CHST11: variants seen among roughly 807,000 people sequenced by gnomAD.
CHST11 encodes the protein C4S-1.
CHST11 carries 9 observed loss-of-function variants against 30.4 expected under a neutral mutation model. The observed-to-expected ratio is 0.30, with a 90% CI of 0.18 to 0.52. The LOEUF (loss-of-function observed/expected upper bound fraction) is 0.52, where lower values mean the gene tolerates loss of function less well. Among genes scored for constraint, CHST11 ranks in the 20% least tolerant of loss-of-function variants. The pLI, the probability that CHST11 is intolerant of heterozygous loss-of-function variation, is 0.97. For missense variants in CHST11, 348 were observed against 460.6 expected, an observed-to-expected ratio of 0.76 and a Z score of 2.24; for synonymous variants, 152 against 187.8, an observed-to-expected ratio of 0.81 and a Z score of 1.56.
chr12:104,745,771 T>C (rs1271389254), intron 2 of CHST11, among the ~76,000 whole-genome samples: 5 of 152,308 alleles, frequency 3.3e-5, no homozygotes, highest in Non-Finnish European at 7.4e-5. Flanking sequence ...GTGCTAGTGA[T>C]TTTTGTACAC....
At chr12:104,592,455 G>A (rs1439092815) in intron 1 of CHST11, among the ~76,000 whole-genome samples, 3 of 152,046 alleles carry the variant, frequency 2.0e-5, no homozygotes, top group Non-Finnish European at 4.4e-5. Context: ...GGGGTAAGTG[G>A]TCTTTTTTGG....
chr12:104,525,492 C>T (rs1293422729), intron 1 of CHST11, among the ~76,000 whole-genome samples: 7 of 152,144 alleles, frequency 4.6e-5, no homozygotes, highest in African/African-American at 1.7e-4. Context: ...TCTGACAAAC[C>T]TGGGTTTGGA....
rs545327712 is a variant in CHST11 at position 104,716,244 on chromosome 12, C to T, written c.205-40705C>T. On this transcript the variant is annotated intron_variant, in intron 2 of 2. Coordinates refer to ENST00000303694, the MANE Select transcript of CHST11 (RefSeq NM_018413.6). Reference sequence around the variant, plus strand: ...GAAACCTTAGAGGCCAGAGTCACACCGTCCTTCTTCTCTGGGATGGCCCCC... The same window carrying T: ...GAAACCTTAGAGGCCAGAGTCACACTGTCCTTCTTCTCTGGGATGGCCCCC... Among the ~76,000 whole-genome samples the T allele has an allele frequency of 1.4e-4, 22 of 152,242 alleles. No individual in the cohort carries two copies. The South Asian group carries it at 3.5e-3, about 24-fold the overall frequency.
Position 104,759,179 on chromosome 12 carries a change from C to T in CHST11, c.*1376C>T, listed in dbSNP as rs1198228707. On this transcript the variant is annotated 3_prime_UTR_variant, in exon 3 of 3. Transcript: ENST00000303694. ...GAGGTGGACTATTTGTACACATACA[C>T]ACATGCACACCCTCTCACGTCCTCC... 6.6e-6 allele frequency: 1 copy of T among 152,226 alleles called. No individual in the cohort carries two copies. Among genetic ancestry groups the T allele is most frequent in the East Asian group, 1.9e-4 (1 of 5,198 alleles). 9.4% of individuals were successfully genotyped at this position (152,226 alleles called of 1,614,324 possible).
At chr12:104,716,494 G>A (rs1288240100) in intron 2 of CHST11, among the ~76,000 whole-genome samples, 1 of 152,270 alleles carries the variant, frequency 6.6e-6, no homozygotes, top group Non-Finnish European at 1.5e-5. Context: ...CACGTAGTAA[G>A]TACAGAAGAG....
chr12:104,756,530 G>GT, intron 2 of CHST11, among the ~76,000 whole-genome samples: 1 of 45,120 alleles, frequency 2.2e-5, no homozygotes, highest in South Asian at 5.1e-4. Flanking sequence ...GGATCCATGT[G>GT]GGGTGTGTGT....
rs67453124 is a variant in CHST11 at position 104,475,658 on chromosome 12, TTATATATA to T, written c.118+18155_118+18162del. Among the ~76,000 whole-genome samples the T allele has an allele frequency of 9.1e-4, 31 of 34,164 alleles. 1 individual carries two copies. Among genetic ancestry groups the T allele is most frequent in the South Asian group, 2.5e-3 (2 of 810 alleles). The allele number at this position is 34,164 out of a possible 152,430, so 22.4% of individuals were successfully genotyped here. A position where few individuals can be genotyped will look rare whatever the true frequency, so the allele number is the denominator to read the frequency against. Reference sequence around the variant, plus strand: ...TATGATGCCTCAGAGTAAAGCAGCATTATATATATATATATATATATATATATATATAT... The same window carrying T: ...TATGATGCCTCAGAGTAAAGCAGCATTATATATATATATATATATATATAT... On this transcript the variant is annotated intron_variant, in intron 1 of 2. Transcript: ENST00000303694.
intron 1 of CHST11, among the ~76,000 whole-genome samples, chr12:104,576,635 T>C (rs1417273904): frequency 6.6e-6 from 1 of 152,212 alleles, no homozygotes; most frequent in African/African-American, 2.4e-5. Context: ...CTGCAGTCTC[T>C]GGTCATTTCC....
chr12:104,741,123 G>T lies in CHST11; in HGVS notation c.205-15826G>T, dbSNP rs186755883. Reference sequence around the variant, plus strand: ...GGCCTTATCCCAGCTGCCCTGGAGGGAGGGCATGAGTTGAGCTCACATTGT... The same window carrying T: ...GGCCTTATCCCAGCTGCCCTGGAGGTAGGGCATGAGTTGAGCTCACATTGT... On this transcript the variant is annotated intron_variant, in intron 2 of 2. Transcript: ENST00000303694. Among the ~76,000 whole-genome samples, 248 of 152,374 alleles carry T rather than the reference G, an allele frequency of 1.6e-3. 1 individual carries two copies. The highest frequency in any genetic ancestry group is 5.6e-3 in the African/African-American group (232 of 41,594).
At chr12:104,620,850 G>C (rs990267001) in intron 2 of CHST11, among the ~76,000 whole-genome samples, 2 of 152,160 alleles carry the variant, frequency 1.3e-5, no homozygotes, top group Admixed American at 6.5e-5. Flanking sequence ...CAGGAGCTAG[G>C]AGAATGACAG....
chr12:104,572,213 A>G (rs2038634418), intron 1 of CHST11, among the ~76,000 whole-genome samples: 1 of 151,962 alleles, frequency 6.6e-6, no homozygotes, highest in African/African-American at 2.4e-5. Flanking sequence ...TGGTATCAGG[A>G]TGATGCTGGC....
At chr12:104,643,008 A>G (rs1489174175) in intron 2 of CHST11, among the ~76,000 whole-genome samples, 1 of 152,226 alleles carries the variant, frequency 6.6e-6, no homozygotes, top group South Asian at 2.1e-4. Flanking sequence ...CAGGTTTTGT[A>G]CATTTCATTT....
intron 1 of CHST11, among the ~76,000 whole-genome samples, chr12:104,504,192 C>A (rs12816273): frequency 6.6e-6 from 1 of 152,298 alleles, no homozygotes; most frequent in Non-Finnish European, 1.5e-5. Context: ...AGGAAGGGCT[C>A]CTCTGGGCCC....
chr12:104,546,817 C>G (rs938697575), intron 1 of CHST11, among the ~76,000 whole-genome samples: 1 of 152,216 alleles, frequency 6.6e-6, no homozygotes, highest in African/African-American at 2.4e-5. Flanking sequence ...GGACCAGCCA[C>G]GTGTGTACCC....
chr12:104,545,974 T>C (rs1455253645), intron 1 of CHST11, among the ~76,000 whole-genome samples: 1 of 152,084 alleles, frequency 6.6e-6, no homozygotes, highest in Non-Finnish European at 1.5e-5. Context: ...GGGTCTGTTT[T>C]ATAAAGGCAT....
intron 1 of CHST11, among the ~76,000 whole-genome samples, chr12:104,482,495 C>CTTCCCTTTCCCCA (rs1388021821): frequency 3.3e-5 from 5 of 152,194 alleles, no homozygotes; most frequent in African/African-American, 1.2e-4. Flanking sequence ...CACTGCCTCC[C>CTTCCCTTTCCCCA]TTCCCTTTCC....
At chr12:104,724,885 A>G (rs73191459) in intron 2 of CHST11, among the ~76,000 whole-genome samples, 415 of 152,288 alleles carry the variant, frequency 2.7e-3, no homozygotes, top group Admixed American at 5.2e-3. Flanking sequence ...ATAGGGACAT[A>G]CTCATACTAA....
At chr12:104,635,936 T>C (rs1478968624) in intron 2 of CHST11, among the ~76,000 whole-genome samples, 1 of 152,222 alleles carries the variant, frequency 6.6e-6, no homozygotes, top group Non-Finnish European at 1.5e-5. Flanking sequence ...ATCATTGTCA[T>C]TCAACCTGTG....
chr12:104,722,218 G>T (rs1337683211), intron 2 of CHST11, among the ~76,000 whole-genome samples: 1 of 147,262 alleles, frequency 6.8e-6, no homozygotes, highest in African/African-American at 2.6e-5. Context: ...TGCCTGGGCT[G>T]GTCTTGAATT....
Sources: allele counts gnomAD v4.1 joint callset (sites outside exome capture counted in the v4.1 genomes callset), GRCh38; gene constraint gnomAD v4.1.1; transcripts MANE v1.5; gene names NCBI Gene and HGNC (gene_info 2026-07-23, HGNC 2026-07-21).